GRM7: variants seen among roughly 807,000 people sequenced by gnomAD.
GRM7 encodes glutamate metabotropic receptor 7.
In GRM7, 35 loss-of-function variants were observed where a neutral mutation model predicts 84.5. The observed-to-expected ratio is 0.41, with a 90% CI of 0.32 to 0.55. GRM7 has a LOEUF of 0.55. Ranked by LOEUF, GRM7 falls within the 20% of genes least tolerant of loss-of-function variation. The probability of loss-of-function intolerance (pLI) is 0.19; values close to 1 mark genes in which losing one functional copy is unlikely to be tolerated. For synonymous variants in GRM7, 487 were observed against 455.1 expected (o/e 1.07, Z -0.89); for missense variants, 1,003 against 1,194.6 (o/e 0.84, Z 2.36).
chr3:7,731,102 C>CACTA (rs900887925), intron 9 of GRM7, among the ~76,000 whole-genome samples: 5 of 149,962 alleles, frequency 3.3e-5, no homozygotes, highest in Admixed American at 3.3e-4. Flanking sequence ...TTTTAAGAGA[C>CACTA]ACTAGAACGT....
chr3:7,536,322 A>G (rs181368818), intron 7 of GRM7, among the ~76,000 whole-genome samples: 2 of 152,320 alleles, frequency 1.3e-5, no homozygotes, highest in East Asian at 1.9e-4. Flanking sequence ...TCAGTTCACC[A>G]GGATCTACAT....
chr3:7,007,534 C>CA (rs1695224245), intron 1 of GRM7, among the ~76,000 whole-genome samples: 1 of 152,196 alleles, frequency 6.6e-6, no homozygotes, highest in Admixed American at 6.5e-5. Context: ...TATTATCTTA[C>CA]ATTCCCTTTT....
chr3:7,382,953 CTG>C (rs1171948825), intron 4 of GRM7, among the ~76,000 whole-genome samples: 1 of 152,182 alleles, frequency 6.6e-6, no homozygotes, highest in African/African-American at 2.4e-5. Flanking sequence ...TATCCACAGA[CTG>C]TGACTTCAAG....
chr3:7,393,998 A>G (rs533175318), intron 4 of GRM7, among the ~76,000 whole-genome samples: 3 of 152,236 alleles, frequency 2.0e-5, no homozygotes, highest in Admixed American at 1.3e-4. Flanking sequence ...TACCTATGTC[A>G]TCTTTTATAA....
chr3:7,364,781 C>T lies in GRM7; in HGVS notation c.1034-50242C>T, dbSNP rs185367487. 1.8e-3 allele frequency among the ~76,000 whole-genome samples: 271 copies of T among 151,854 alleles called. 2 individuals carry two copies. The highest frequency in any genetic ancestry group is 2.2e-3 in the Non-Finnish European group (147 of 67,818). On this transcript the variant is annotated intron_variant, in intron 4 of 9. Coordinates refer to ENST00000357716, the MANE Select transcript of GRM7 (RefSeq NM_000844.4). Reference sequence around the variant, plus strand: ...GTTCCAAATTTCACAGTTTTTTCTCCTTATTTTTAATGCAAGTGCTTATAA... The same window carrying T: ...GTTCCAAATTTCACAGTTTTTTCTCTTTATTTTTAATGCAAGTGCTTATAA...
At chr3:7,675,658 A>G (rs1027259127) in intron 8 of GRM7, among the ~76,000 whole-genome samples, 2 of 152,230 alleles carry the variant, frequency 1.3e-5, no homozygotes, top group Non-Finnish European at 2.9e-5. Flanking sequence ...ATTTGCTGGT[A>G]CATTTCTATC....
intron 8 of GRM7, among the ~76,000 whole-genome samples, chr3:7,593,966 A>G (rs1695917407): frequency 1.3e-5 from 2 of 152,026 alleles, no homozygotes; most frequent in Non-Finnish European, 2.9e-5. Context: ...AAACACTGAA[A>G]GTGATTTACT....
rs1218949173 is a variant in GRM7, at chr3:7,653,180, CTTTTTTTTTT to C, written c.2452-26854_2452-26845del. 5.3e-4 allele frequency among the ~76,000 whole-genome samples: 47 copies of C among 89,516 alleles called. No individual in the cohort carries two copies. The East Asian group carries it at 0.015, about 28-fold the overall frequency. The allele number at this position is 89,516 out of a possible 152,430, so 58.7% of individuals were successfully genotyped here. On this transcript the variant is annotated intron_variant, in intron 8 of 9. Coordinates refer to ENST00000357716, the MANE Select transcript of GRM7 (RefSeq NM_000844.4). ...ACTTTCCATTGTAACATACTATATC[CTTTTTTTTTT>C]TTTTTTTTTTTTTTGCTTTACATCT...
At chr3:7,159,782 C>G (rs960406418) in intron 2 of GRM7, among the ~76,000 whole-genome samples, 1 of 152,098 alleles carries the variant, frequency 6.6e-6, no homozygotes, top group Non-Finnish European at 1.5e-5. Flanking sequence ...TAGTCTGGTA[C>G]CTTTAAACCA....
At chr3:7,130,409 G>A (rs1239901285) in intron 1 of GRM7, among the ~76,000 whole-genome samples, 4 of 151,974 alleles carry the variant, frequency 2.6e-5, no homozygotes, top group Admixed American at 6.6e-5. Flanking sequence ...CAGGTGTGGT[G>A]GCAGGCACCT....
At position 7,069,452 on chromosome 3, in the gene GRM7, A is replaced by T. The variant is rs76535459; in HGVS notation, c.520-77000A>T. On this transcript the variant is annotated intron_variant, in intron 1 of 9. Transcript: ENST00000357716. ...ATATTGCCTCCCATGGGCCAAACCT[A>T]ATTGAAAGTAAGAGAATTGAGTTAA... 5.8e-3 allele frequency among the ~76,000 whole-genome samples: 878 copies of T among 152,136 alleles called. 21 individuals are homozygous for T. Among genetic ancestry groups the T allele is most frequent in the East Asian group, 0.044 (227 of 5,150 alleles).
chr3:7,323,394 G>C (rs1179450244), intron 4 of GRM7, among the ~76,000 whole-genome samples: 1 of 152,086 alleles, frequency 6.6e-6, no homozygotes, highest in Non-Finnish European at 1.5e-5. Flanking sequence ...AAAACAAACT[G>C]TAACTGGCAT....
chr3:7,202,294 C>T (rs909997835), intron 2 of GRM7, among the ~76,000 whole-genome samples: 4 of 152,070 alleles, frequency 2.6e-5, no homozygotes, highest in African/African-American at 9.7e-5. Context: ...TTCATATTCC[C>T]GATTCAAAGC....
At chr3:7,606,581 G>C (rs1256529099) in intron 8 of GRM7, among the ~76,000 whole-genome samples, 1 of 152,098 alleles carries the variant, frequency 6.6e-6, no homozygotes, top group Non-Finnish European at 1.5e-5. Context: ...ACCCAGGCTG[G>C]AGTGTGCAGT....
chr3:7,502,360 A>C (rs1206045682), intron 7 of GRM7, among the ~76,000 whole-genome samples: 1 of 152,176 alleles, frequency 6.6e-6, no homozygotes, highest in Non-Finnish European at 1.5e-5. Flanking sequence ...ACCTTCTTCT[A>C]GTTGATTTTC....
At chr3:7,215,507 A>G (rs1176178368) in intron 2 of GRM7, among the ~76,000 whole-genome samples, 2 of 151,990 alleles carry the variant, frequency 1.3e-5, no homozygotes, top group African/African-American at 4.8e-5. Flanking sequence ...TACTAAAAAT[A>G]CAAAAAAATT....
chr3:7,220,425 A>G (rs1559509258), intron 2 of GRM7, among the ~76,000 whole-genome samples: 1 of 152,226 alleles, frequency 6.6e-6, no homozygotes, highest in Non-Finnish European at 1.5e-5. Flanking sequence ...AATACATCAG[A>G]CAAATCCTAA....
chr3:7,579,364 G>T lies in GRM7; in HGVS notation c.2451+7G>T. The T allele has an allele frequency of 6.8e-7, 1 of 1,467,986 alleles. No individual in the cohort carries two copies. The highest frequency in any genetic ancestry group is 1.3e-5 in the South Asian group (1 of 76,328). 90.9% of individuals were successfully genotyped at this position (1,467,986 alleles called of 1,614,324 possible). On this transcript the variant is annotated splice_region_variant and intron_variant, in intron 8 of 9. Coordinates refer to ENST00000357716, the MANE Select transcript of GRM7 (RefSeq NM_000844.4). ...CGCTCAATCAGCGGAAAAGGTAAGTGAAAATGCACATCATAATATGTTTTT... is the reference window on the plus strand; with the variant it reads ...CGCTCAATCAGCGGAAAAGGTAAGTTAAAATGCACATCATAATATGTTTTT...
intron 1 of GRM7, among the ~76,000 whole-genome samples, chr3:6,941,757 C>T (rs1182722636): frequency 6.6e-6 from 1 of 152,098 alleles, no homozygotes; most frequent in African/African-American, 2.4e-5. Flanking sequence ...TATTTTCATT[C>T]ATTTAAGTAT....
Sources: gnomAD v4.1 joint callset for allele counts (sites outside exome capture counted in the v4.1 genomes callset) on GRCh38, gnomAD v4.1.1 for gene constraint, MANE v1.5 for transcripts, NCBI Gene and HGNC (gene_info 2026-07-23, HGNC 2026-07-21) for gene names.